Variants in RBFOX3 observed in about 807,000 individuals in gnomAD.
RBFOX3 encodes the protein RNA binding fox-1 homolog 3, also known as RNA binding protein fox-1 homolog 3.
In RBFOX3, 17 loss-of-function variants were observed where a neutral mutation model predicts 48.7. That is an observed-to-expected ratio of 0.35 (90% CI 0.24 to 0.52). The LOEUF (loss-of-function observed/expected upper bound fraction) is 0.52. Among genes scored for constraint, RBFOX3 ranks in the 20% least tolerant of loss-of-function variants. RBFOX3 has a pLI of 0.94. For missense variants in RBFOX3, 382 were observed against 497.5 expected (o/e 0.77, Z 2.21); for synonymous variants, 212 against 209.5 (o/e 1.01, Z -0.10).
At chr17:79,522,929 CAAAAAAAAAA>C (rs34245309) in intron 1 of RBFOX3, among the ~76,000 whole-genome samples, 6 of 31,966 alleles carry the variant, frequency 1.9e-4, no homozygotes, top group East Asian at 1.2e-3. Context: ...GACTCCGTCT[CAAAAAAAAAA>C]AAAAAAAAAA....
In RBFOX3 at chr17:79,115,635, C is replaced by T. The variant is rs1248074651; in HGVS notation, c.81G>A (p.Pro27=). The T allele has an allele frequency of 2.5e-5, 25 of 1,001,418 alleles. No individual in the cohort carries two copies. Among genetic ancestry groups the T allele is most frequent in the South Asian group, 8.5e-5 (4 of 46,922 alleles). 62.0% of individuals were successfully genotyped at this position (1,001,418 alleles called of 1,614,324 possible). ...GIPAEYAPPP[P]HPTQDYSGQT... ...GGCCGGAGTAGTCCTGCGTGGGGTG[C>T]GGTGGGGGCGGGGCGTACTCGGCAG... Residue 27 remains proline (P), a synonymous_variant, in exon 5 of 15, where the codon CCG becomes CCA. Transcript: ENST00000693108.
intron 2 of RBFOX3, among the ~76,000 whole-genome samples, chr17:79,379,968 C>G (rs1409730631): frequency 6.6e-6 from 1 of 152,172 alleles, no homozygotes; most frequent in African/African-American, 2.4e-5. Context: ...CTTCTCCCTC[C>G]CTGTCCGCAC....
In RBFOX3 at chr17:79,363,944, C is replaced by T. The variant is rs934034089; in HGVS notation, c.-174-56120G>A. Among the ~76,000 whole-genome samples the T allele has an allele frequency of 3.3e-5, 5 of 152,192 alleles. No homozygotes were observed. The highest frequency in any genetic ancestry group is 3.8e-4 in the East Asian group (2 of 5,196). ...ACTCCAGCCACCCTGGCCTCCAGCT[C>T]CTCCACAAATCACAGCCTGTGCTCC... On this transcript the variant is annotated intron_variant, in intron 2 of 14. Coordinates refer to ENST00000693108, the MANE Select transcript of RBFOX3 (RefSeq NM_001350451.2). The surrounding 1 kb of genome is among the most constrained non-coding windows in gnomAD (Gnocchi z 4.7).
chr17:79,179,477 C>T (rs1488344223), intron 4 of RBFOX3, among the ~76,000 whole-genome samples: 2 of 152,122 alleles, frequency 1.3e-5, no homozygotes, highest in Non-Finnish European at 2.9e-5. Flanking sequence ...GAATTCACGA[C>T]GCGTCCCCCA....
intron 3 of RBFOX3, among the ~76,000 whole-genome samples, chr17:79,253,033 G>T (rs1387094674): frequency 5.3e-5 from 8 of 152,180 alleles, no homozygotes; most frequent in African/African-American, 1.4e-4. Context: ...ACCCTGCGGG[G>T]TGGTGCTGTG....
At position 79,598,302 on chromosome 17, in the gene RBFOX3, ATG is replaced by A; in HGVS notation, c.-320+12522_-320+12523del. On this transcript the variant is annotated intron_variant, in intron 1 of 14. Coordinates refer to ENST00000693108, the MANE Select transcript of RBFOX3 (RefSeq NM_001350451.2). ...CAGAGATGACCGTGCACATGCACAC[ATG>A]CACACGTGCACACATGCACACACAC... 2 of 152,372 alleles carry A rather than the reference ATG, an allele frequency of 1.3e-5. 1 individual carries two copies. Among genetic ancestry groups the A allele is most frequent in the South Asian group, 4.1e-4 (2 of 4,834 alleles). 9.4% of individuals were successfully genotyped at this position (152,372 alleles called of 1,614,324 possible).
intron 5 of RBFOX3, among the ~76,000 whole-genome samples, chr17:79,109,376 C>T (rs148286078): frequency 5.3e-5 from 8 of 152,218 alleles, no homozygotes; most frequent in Non-Finnish European, 8.8e-5. Flanking sequence ...TCCCCAGTGA[C>T]GGGCAATGCA....
intron 2 of RBFOX3, among the ~76,000 whole-genome samples, chr17:79,464,827 C>G (rs776144165): frequency 9.4e-4 from 143 of 152,228 alleles, no homozygotes; most frequent in Non-Finnish European, 1.5e-3. Flanking sequence ...CGCTCAGATG[C>G]CAGCAACGTG....
At chr17:79,594,976 G>C (rs1364663110) in intron 1 of RBFOX3, among the ~76,000 whole-genome samples, 1 of 152,094 alleles carries the variant, frequency 6.6e-6, no homozygotes, top group Non-Finnish European at 1.5e-5. Context: ...CATTTACTGG[G>C]TCCCCAAAGA....
intron 4 of RBFOX3, among the ~76,000 whole-genome samples, chr17:79,122,764 C>A (rs1027296100): frequency 2.0e-5 from 3 of 152,116 alleles, no homozygotes. Context: ...CTGTTTATTG[C>A]AGCACTGTTT....
chr17:79,233,699 C>G (rs189883424), intron 4 of RBFOX3: 1 of 151,896 alleles, frequency 6.6e-6, no homozygotes, highest in South Asian at 2.1e-4. Flanking sequence ...CTCTGCCTCC[C>G]GGGTTCAAGT....
chr17:79,573,370 G>A (rs897053855), intron 1 of RBFOX3, among the ~76,000 whole-genome samples: 1 of 152,190 alleles, frequency 6.6e-6, no homozygotes, highest in African/African-American at 2.4e-5. Flanking sequence ...CCTGTGGGAC[G>A]ACTCTGGGCT....
At chr17:79,169,637 T>G (rs892803261) in intron 4 of RBFOX3, among the ~76,000 whole-genome samples, 1 of 152,098 alleles carries the variant, frequency 6.6e-6, no homozygotes, top group Non-Finnish European at 1.5e-5. Flanking sequence ...TCCCGTGGCA[T>G]GAGGCAGCCC....
rs182799050 is a variant in RBFOX3, at chr17:79,288,698, A to G, written c.-74+19026T>C. On this transcript the variant is annotated intron_variant, in intron 3 of 14. Transcript: ENST00000693108. ...TTTCCCCTGGGCCTAGCTTCAGTTCACTGGTCTTCTCACCCCACAGCGACA... is the reference window on the plus strand; with the variant it reads ...TTTCCCCTGGGCCTAGCTTCAGTTCGCTGGTCTTCTCACCCCACAGCGACA... Among the ~76,000 whole-genome samples the G allele has an allele frequency of 2.9e-3, 437 of 151,818 alleles. 2 individuals carry two copies. Among genetic ancestry groups the G allele is most frequent in the African/African-American group, 0.01 (418 of 41,374 alleles).
At chr17:79,294,954 G>C (rs1045348615) in intron 3 of RBFOX3, among the ~76,000 whole-genome samples, 1 of 152,176 alleles carries the variant, frequency 6.6e-6, no homozygotes. Context: ...TTCTCTTTTG[G>C]GGGTGGGTGA....
At chr17:79,125,105 T>G (rs1049422338) in intron 4 of RBFOX3, among the ~76,000 whole-genome samples, 3 of 152,096 alleles carry the variant, frequency 2.0e-5, no homozygotes, top group African/African-American at 4.8e-5. Flanking sequence ...CGTCTCCAAT[T>G]ATCCGGGAAT....
At chr17:79,609,144 C>T (rs2093910239) in intron 1 of RBFOX3, among the ~76,000 whole-genome samples, 1 of 152,256 alleles carries the variant, frequency 6.6e-6, no homozygotes, top group Admixed American at 6.5e-5. Flanking sequence ...CGTCCCGAAT[C>T]CGCGATGCAC....
rs1023618101 is a variant in RBFOX3, at chr17:79,585,852, C to T, written c.-320+24974G>A. Among the ~76,000 whole-genome samples, 79 of 152,246 alleles carry T rather than the reference C, an allele frequency of 5.2e-4. No individual in the cohort carries two copies. The East Asian group carries it at 0.013, about 24-fold the overall frequency. On this transcript the variant is annotated intron_variant, in intron 1 of 14. Transcript: ENST00000693108. ...AAGGTTAGGATGGGCTCCGTGGGGC[C>T]GGGCAGTGAGCTGAGACTGGACAGG...
chr17:79,231,298 G>A (rs910081701), intron 4 of RBFOX3, among the ~76,000 whole-genome samples: 6 of 152,136 alleles, frequency 3.9e-5, no homozygotes, highest in Admixed American at 3.9e-4. Context: ...AGGTTGAGGC[G>A]AGAACCCCCT....
Sources: gnomAD v4.1 joint callset for allele counts (sites outside exome capture counted in the v4.1 genomes callset) on GRCh38, gnomAD v4.1.1 for gene constraint, Gnocchi (gnomAD v3.1) non-coding constraint, MANE v1.5 for transcripts, NCBI Gene and HGNC (gene_info 2026-07-23, HGNC 2026-07-21) for gene names.